Variants in ST3GAL1 observed in about 807,000 individuals in gnomAD.
ST3GAL1 encodes the protein CMP-N-acetylneuraminate-beta-galactosamide-alpha-2,3-sialyltransferase 1.
Under a neutral mutation model 34.1 loss-of-function variants are expected in ST3GAL1, and 16 were observed. The observed-to-expected ratio is 0.47, with a 90% CI of 0.32 to 0.71. The LOEUF is 0.71. ST3GAL1 is among the 30% of genes least tolerant of loss of function. The pLI, the probability that ST3GAL1 is intolerant of heterozygous loss-of-function variation, is 0.04. For synonymous variants in ST3GAL1, 191 were observed against 184.7 expected (o/e 1.03, Z -0.28); for missense variants, 353 against 447.4 (o/e 0.79, Z 1.90).
chr8:133,566,209 G>A (rs1182017062), intron 1 of ST3GAL1, among the ~76,000 whole-genome samples: 1 of 152,206 alleles, frequency 6.6e-6, no homozygotes, highest in African/African-American at 2.4e-5. Context: ...GAAGCCAAAA[G>A]TTTGACACAA....
chr8:133,499,896 G>A (rs778717081), intron 2 of ST3GAL1, among the ~76,000 whole-genome samples: 72 of 152,176 alleles, frequency 4.7e-4, no homozygotes, highest in Non-Finnish European at 8.5e-4. Flanking sequence ...CTGGGGGCAG[G>A]TCACAGATCT....
intron 1 of ST3GAL1, among the ~76,000 whole-genome samples, chr8:133,546,166 GA>G (rs768565505): frequency 6.6e-6 from 1 of 152,208 alleles, no homozygotes; most frequent in African/African-American, 2.4e-5. Flanking sequence ...CAGACTGGGA[GA>G]AAACAGAAAA....
chr8:133,465,968 G>T lies in ST3GAL1; in HGVS notation c.429C>A (p.Ala143=). The change falls in exon 6 of 10, where the codon GCC becomes GCA. Residue 143 remains alanine (A), a synonymous_variant. Coordinates refer to ENST00000522652, the MANE Select transcript of ST3GAL1 (RefSeq NM_173344.3). ...EKRSVGCRRC[A]VVGNSGNLRE... Reference sequence around the variant, plus strand: ...TCAGGTTGCCCGAGTTGCCCACAACGGCGCAGCGCCGGCAGCCCACCGACC... The same window carrying T: ...TCAGGTTGCCCGAGTTGCCCACAACTGCGCAGCGCCGGCAGCCCACCGACC... The T allele has an allele frequency of 6.2e-7, 1 of 1,614,134 alleles. No homozygotes were observed. The highest frequency in any genetic ancestry group is 8.5e-7 in the Non-Finnish European group (1 of 1,180,010).
intron 2 of ST3GAL1, among the ~76,000 whole-genome samples, chr8:133,500,735 C>T (rs541160619): frequency 6.6e-6 from 1 of 152,176 alleles, no homozygotes; most frequent in Non-Finnish European, 1.5e-5. Flanking sequence ...ATATGAAGTG[C>T]GTAAAGCATG....
At chr8:133,536,605 G>A (rs1306546198) in intron 2 of ST3GAL1, among the ~76,000 whole-genome samples, 2 of 152,220 alleles carry the variant, frequency 1.3e-5, no homozygotes, top group Non-Finnish European at 2.9e-5. Flanking sequence ...AAGCCGGCAA[G>A]GTGGGAGGCC....
chr8:133,566,096 C>G (rs1443273699), intron 1 of ST3GAL1, among the ~76,000 whole-genome samples: 2 of 152,202 alleles, frequency 1.3e-5, no homozygotes, highest in Admixed American at 1.3e-4. Context: ...TGCTGCCCCC[C>G]ACCTCCCCTG....
chr8:133,545,365 C>T (rs920158587), intron 2 of ST3GAL1, among the ~76,000 whole-genome samples: 3 of 152,246 alleles, frequency 2.0e-5, no homozygotes, highest in African/African-American at 4.8e-5. Context: ...CAAAGGCAGA[C>T]TGGGCCAGGC....
At chr8:133,465,060 G>A (rs1394975447) in intron 6 of ST3GAL1, 103 bp from the exon 7 acceptor site, 1 of 1,192,710 alleles carries the variant, frequency 8.4e-7, no homozygotes, top group African/African-American at 1.5e-5. Context: ...CTTCAGGGGT[G>A]TCACCTGCCT....
At position 133,490,311 on chromosome 8, in the gene ST3GAL1, G is replaced by A. The variant is rs113451637; in HGVS notation, c.-374+8824C>T. Among the ~76,000 whole-genome samples the A allele has an allele frequency of 1.8e-3, 115 of 63,298 alleles. 1 individual carries two copies. The highest frequency in any genetic ancestry group is 6.1e-3 in the African/African-American group (107 of 17,572). 41.5% of individuals were successfully genotyped at this position (63,298 alleles called of 152,430 possible). A position where few individuals can be genotyped will look rare whatever the true frequency, so the allele number is the denominator to read the frequency against. Reference sequence around the variant, plus strand: ...GCCTGCTCTTCCATGCTCCACTGCCGTACCTCACCCAGGTACCCAAGCATG... The same window carrying A: ...GCCTGCTCTTCCATGCTCCACTGCCATACCTCACCCAGGTACCCAAGCATG... On this transcript the variant is annotated intron_variant, in intron 3 of 9. Coordinates refer to ENST00000522652, the MANE Select transcript of ST3GAL1 (RefSeq NM_173344.3).
rs543222289 is a variant in ST3GAL1, at chr8:133,465,905, G to A, written c.492C>T (p.Asp164=). The change falls in exon 6 of 10, where the codon GAC becomes GAT. Residue 164 remains aspartate (D), a synonymous_variant. Coordinates refer to ENST00000522652, the MANE Select transcript of ST3GAL1 (RefSeq NM_173344.3). ...GGTCTGGCACTCACCTGAGGACAAAGTCGTGACTGTCTATCTCAGGCCCAT... is the reference window on the plus strand; with the variant it reads ...GGTCTGGCACTCACCTGAGGACAAAATCGTGACTGTCTATCTCAGGCCCAT... The part of the protein sequence containing the change: ...SSYGPEIDSH[D]FVLRMNKAPT... 5.6e-6 allele frequency: 9 copies of A among 1,613,896 alleles called. No individual in the cohort carries two copies. The African/African-American group carries it at 1.1e-4, about 19-fold the overall frequency.
At position 133,539,431 on chromosome 8, in the gene ST3GAL1, C is replaced by A. The variant is rs74416600; in HGVS notation, c.-429+6343G>T. Among the ~76,000 whole-genome samples, 375 of 152,300 alleles carry A rather than the reference C, an allele frequency of 2.5e-3. 1 individual carries two copies. Among genetic ancestry groups the A allele is most frequent in the African/African-American group, 8.6e-3 (358 of 41,546 alleles). On this transcript the variant is annotated intron_variant, in intron 2 of 9. Coordinates refer to ENST00000522652, the MANE Select transcript of ST3GAL1 (RefSeq NM_173344.3). ...CACGTCCAGGAAGCTGACGCTCCAG[C>A]CCCTGGGCTGCACCCCACTTATCTA...
At chr8:133,504,907 G>A (rs1368147485) in intron 2 of ST3GAL1, among the ~76,000 whole-genome samples, 1 of 152,152 alleles carries the variant, frequency 6.6e-6, no homozygotes, top group Non-Finnish European at 1.5e-5. Context: ...CTAGGGGGAA[G>A]TAGAAAGAGT....
At chr8:133,537,313 T>C (rs1341422670) in intron 2 of ST3GAL1, among the ~76,000 whole-genome samples, 1 of 151,738 alleles carries the variant, frequency 6.6e-6, no homozygotes. Context: ...TGGGGTTTTA[T>C]GGAAGCTTCC....
intron 2 of ST3GAL1, among the ~76,000 whole-genome samples, chr8:133,519,643 C>T (rs1405617787): frequency 6.6e-6 from 1 of 152,138 alleles, no homozygotes. Flanking sequence ...GCCAGGCACA[C>T]ATTAAGAACT....
Position 133,467,389 on chromosome 8 carries a change from A to G in ST3GAL1, c.307-1299T>C, listed in dbSNP as rs1334082639. ...CTTCCTCACTCGTGGTAAACCCTGGAGAGATTTCATAAAAGTGTTGCATCT... is the reference window on the plus strand; with the variant it reads ...CTTCCTCACTCGTGGTAAACCCTGGGGAGATTTCATAAAAGTGTTGCATCT... On this transcript the variant is annotated intron_variant, in intron 5 of 9. Transcript: ENST00000522652. This position sits in a 1 kb window ranked among gnomAD's most constrained non-coding sequence, Gnocchi z 4.2. Among the ~76,000 whole-genome samples the G allele has an allele frequency of 8.5e-5, 13 of 152,304 alleles. No individual in the cohort carries two copies. Among genetic ancestry groups the G allele is most frequent in the South Asian group, 2.1e-4 (1 of 4,824 alleles).
At chr8:133,476,861 A>T (rs1370796549) in intron 3 of ST3GAL1, among the ~76,000 whole-genome samples, 1 of 152,226 alleles carries the variant, frequency 6.6e-6, no homozygotes, top group African/African-American at 2.4e-5. Context: ...TAGCACATTG[A>T]CACACTCAAC....
intron 2 of ST3GAL1, among the ~76,000 whole-genome samples, chr8:133,529,069 AG>A (rs1386876354): frequency 6.6e-6 from 1 of 152,266 alleles, no homozygotes; most frequent in African/African-American, 2.4e-5. Context: ...AAAGCGAACC[AG>A]TGGTGACCGA....
intron 1 of ST3GAL1, among the ~76,000 whole-genome samples, chr8:133,565,081 G>A (rs1181625953): frequency 1.3e-5 from 2 of 151,876 alleles, no homozygotes; most frequent in African/African-American, 4.8e-5. Context: ...CCTGCCAACT[G>A]GTAATCTTGT....
rs1304854794 is a variant in ST3GAL1, at chr8:133,571,250, A to AG, written c.-582+442dup. Reference sequence around the variant, plus strand: ...CGAGAGCGCCTGAGCCCGGCCACCCAGCGAGGTCTCCTCCCACGGGCGGCC... The same window carrying AG: ...CGAGAGCGCCTGAGCCCGGCCACCCAGGCGAGGTCTCCTCCCACGGGCGGCC... On this transcript the variant is annotated intron_variant, in intron 1 of 9. Transcript: ENST00000522652. This position sits in a 1 kb window ranked among gnomAD's most constrained non-coding sequence, Gnocchi z 6.7. Among the ~76,000 whole-genome samples, 1 of 152,122 alleles carries AG rather than the reference A, an allele frequency of 6.6e-6. No individual in the cohort carries two copies. Among genetic ancestry groups the AG allele is most frequent in the Non-Finnish European group, 1.5e-5 (1 of 67,998 alleles).
Sources: allele counts gnomAD v4.1 joint callset (sites outside exome capture counted in the v4.1 genomes callset), GRCh38; gene constraint gnomAD v4.1.1; non-coding constraint Gnocchi (gnomAD v3.1); transcripts MANE v1.5; gene names NCBI Gene and HGNC (gene_info 2026-07-23, HGNC 2026-07-21).